CHL1: variants seen among roughly 807,000 people sequenced by gnomAD.
The protein encoded by CHL1 is cell adhesion molecule L1 like.
A neutral mutation model predicts 141.9 loss-of-function variants in CHL1; 96 were observed. That is an observed-to-expected ratio of 0.68 (90% CI 0.57 to 0.80). The LOEUF is 0.80. Among genes scored for constraint, CHL1 ranks in the 30% least tolerant of loss-of-function variants. CHL1 has a pLI of 0.00. For missense variants in CHL1, 1,820 were observed against 1,457.2 expected (o/e 1.25, Z -4.05); for synonymous variants, 613 against 502.2 (o/e 1.22, Z -2.95).
intron 1 of CHL1, among the ~76,000 whole-genome samples, chr3:218,433 A>T (rs1466348422): frequency 6.6e-6 from 1 of 152,230 alleles, no homozygotes; most frequent in East Asian, 1.9e-4. Context: ...ACTTTTGTGT[A>T]TCATATTTAA....
chr3:360,660 T>A (rs1704147316), intron 12 of CHL1, among the ~76,000 whole-genome samples: 1 of 150,932 alleles, frequency 6.6e-6, no homozygotes, highest in Non-Finnish European at 1.5e-5. Context: ...TACATATGTA[T>A]ACATGTGCCA....
At chr3:270,281 T>A (rs1446765124) in intron 2 of CHL1, among the ~76,000 whole-genome samples, 1 of 152,144 alleles carries the variant, frequency 6.6e-6, no homozygotes, top group East Asian at 1.9e-4. Context: ...AATGGAAATA[T>A]TTCAGGCCAA....
chr3:382,714 T>A, intron 18 of CHL1, 43 bp downstream of exon 18: 1 of 1,528,900 alleles, frequency 6.5e-7, no homozygotes, highest in Non-Finnish European at 9.1e-7. Flanking sequence ...AATATTTGTT[T>A]GTCCCCATCT....
rs942849604 is a variant in CHL1, at chr3:406,007, C to T, written c.*296C>T. 6 of 298,752 alleles carry T rather than the reference C, an allele frequency of 2.0e-5. No individual in the cohort carries two copies. The highest frequency in any genetic ancestry group is 1.1e-4 in the African/African-American group (5 of 45,546). The allele number at this position is 298,752 out of a possible 1,614,324, so 18.5% of individuals were successfully genotyped here. ...ATCCAAAGTCCCCATTCAGTATATT[C>T]CATATTTGCCTGATTTTACTATTCG... On this transcript the variant is annotated 3_prime_UTR_variant, in exon 28 of 28. Coordinates refer to ENST00000256509, the MANE Select transcript of CHL1 (RefSeq NM_006614.4).
chr3:309,105 G>A (rs995662077), intron 2 of CHL1: 3 of 152,218 alleles, frequency 2.0e-5, no homozygotes, highest in African/African-American at 4.8e-5. Flanking sequence ...CCCTCGTTTT[G>A]CGAGTGCAAC....
chr3:324,770 G>A (rs1700879493), intron 3 of CHL1, among the ~76,000 whole-genome samples: 1 of 151,666 alleles, frequency 6.6e-6, no homozygotes, highest in Admixed American at 6.6e-5. Flanking sequence ...ACATTTTTTT[G>A]TAGGGATAAG....
At chr3:260,461 T>C (rs888151643) in intron 2 of CHL1, among the ~76,000 whole-genome samples, 1 of 152,186 alleles carries the variant, frequency 6.6e-6, no homozygotes, top group Non-Finnish European at 1.5e-5. Context: ...GTAGGTTTAT[T>C]ATTTACAGAG....
intron 2 of CHL1, among the ~76,000 whole-genome samples, chr3:284,257 A>T (rs1178284657): frequency 6.6e-6 from 1 of 152,192 alleles, no homozygotes; most frequent in Non-Finnish European, 1.5e-5. Flanking sequence ...GGACTTTCTG[A>T]GGTGACATTT....
chr3:284,924 A>G (rs1282299234), intron 2 of CHL1, among the ~76,000 whole-genome samples: 1 of 152,212 alleles, frequency 6.6e-6, no homozygotes, highest in African/African-American at 2.4e-5. Context: ...AATCTATTAT[A>G]TCGTTGTTTG....
rs76483606 is a variant in CHL1, at chr3:383,972, A to G, written c.2247+86A>G. On this transcript the variant is annotated intron_variant, in intron 19 of 27. Transcript: ENST00000256509. ...ATGCTAACTACAATGATAGCACAACATTTTTTTAAGAACAAAGATAAGATT... is the reference window on the plus strand; with the variant it reads ...ATGCTAACTACAATGATAGCACAACGTTTTTTTAAGAACAAAGATAAGATT... 3.2e-3 allele frequency: 2,626 copies of G among 824,082 alleles called. 45 individuals are homozygous for G. The African/African-American group carries it at 0.039, about 12-fold the overall frequency. The allele number at this position is 824,082 out of a possible 1,614,324, so 51.0% of individuals were successfully genotyped here.
chr3:287,400 T>G (rs1160109497), intron 2 of CHL1, among the ~76,000 whole-genome samples: 1 of 152,128 alleles, frequency 6.6e-6, no homozygotes, highest in African/African-American at 2.4e-5. Context: ...CCTGATAGGT[T>G]TACACATTCG....
intron 2 of CHL1, among the ~76,000 whole-genome samples, chr3:302,950 T>G (rs1698890868): frequency 6.6e-6 from 1 of 152,190 alleles, no homozygotes; most frequent in South Asian, 2.1e-4. Context: ...CAGTTTCAGT[T>G]TTCTGCATAT....
chr3:227,370 A>G (rs1007692210), intron 1 of CHL1, among the ~76,000 whole-genome samples: 1 of 152,226 alleles, frequency 6.6e-6, no homozygotes, highest in Admixed American at 6.5e-5. Flanking sequence ...GCCAGTTCCT[A>G]GTACTGGAGA....
chr3:267,984 G>A lies in CHL1; in HGVS notation c.-95+23292G>A, dbSNP rs978478618. ...CAATTCTAAAATGATTCTTTCCTATGAAAAACCATGCTTTGGTTTCATTTC... is the reference window on the plus strand; with the variant it reads ...CAATTCTAAAATGATTCTTTCCTATAAAAAACCATGCTTTGGTTTCATTTC... On this transcript the variant is annotated intron_variant, in intron 2 of 27. Transcript: ENST00000256509. Among the ~76,000 whole-genome samples, 17 of 152,188 alleles carry A rather than the reference G, an allele frequency of 1.1e-4. 1 individual carries two copies. Among genetic ancestry groups the A allele is most frequent in the African/African-American group, 4.1e-4 (17 of 41,518 alleles).
chr3:357,997 A>T (rs941682738), intron 11 of CHL1, among the ~76,000 whole-genome samples: 2 of 152,188 alleles, frequency 1.3e-5, no homozygotes, highest in Non-Finnish European at 2.9e-5. Flanking sequence ...TGGAAGAGCT[A>T]CTCATCTTGC....
chr3:374,308 C>G (rs1418807880), intron 15 of CHL1, among the ~76,000 whole-genome samples: 1 of 152,090 alleles, frequency 6.6e-6, no homozygotes, highest in African/African-American at 2.4e-5. Flanking sequence ...CCTCTAAAGG[C>G]TACGCTTTGC....
At chr3:345,374 G>A (rs1011427894) in intron 9 of CHL1, among the ~76,000 whole-genome samples, 1 of 152,102 alleles carries the variant, frequency 6.6e-6, no homozygotes, top group Admixed American at 6.5e-5. Context: ...TCCAGACCAT[G>A]TAATTTAAGA....
At chr3:330,086 T>G (rs1437403530) in intron 5 of CHL1, among the ~76,000 whole-genome samples, 4 of 152,092 alleles carry the variant, frequency 2.6e-5, no homozygotes, top group African/African-American at 9.7e-5. Context: ...AAAATGAGTT[T>G]TTTCATACAC....
chr3:310,632 A>G (rs1699676932), intron 2 of CHL1, among the ~76,000 whole-genome samples: 1 of 152,180 alleles, frequency 6.6e-6, no homozygotes, highest in Non-Finnish European at 1.5e-5. Flanking sequence ...CAGAACGTGC[A>G]GAAATTTCTC....
Sources: gnomAD v4.1 joint callset for allele counts (sites outside exome capture counted in the v4.1 genomes callset) on GRCh38, gnomAD v4.1.1 for gene constraint, MANE v1.5 for transcripts, NCBI Gene and HGNC (gene_info 2026-07-23, HGNC 2026-07-21) for gene names.